MCF2L2: variants seen among roughly 807,000 people sequenced by gnomAD.
MCF2L2 encodes MCF.2 cell line derived transforming sequence-like 2, also known as probable guanine nucleotide exchange factor MCF2L2.
In MCF2L2, 102 loss-of-function variants were observed where a neutral mutation model predicts 150.2. The observed-to-expected ratio is 0.68, with a 90% confidence interval of 0.58 to 0.80. MCF2L2 has a LOEUF of 0.80. MCF2L2 is among the 30% of genes least tolerant of loss of function. The pLI is 0.00. For synonymous variants in MCF2L2, 465 were observed against 491.3 expected, an observed-to-expected ratio of 0.95 and a Z score of 0.71; for missense variants, 1,256 against 1,372.8, an observed-to-expected ratio of 0.91 and a Z score of 1.34.
chr3:183,216,580 ATTTTTTTTTTTTTTTTTTTTTTT>A (rs1160267005), intron 21 of MCF2L2, among the ~76,000 whole-genome samples: 2 of 3,854 alleles, frequency 5.2e-4, no homozygotes, highest in Non-Finnish European at 2.0e-3. Flanking sequence ...ATATATATAT[ATTTTTTTTTTTTTTTTTTTTTTT>A]TTTTTTTTTT....
chr3:183,303,506 C>T (rs1044884095), intron 10 of MCF2L2, among the ~76,000 whole-genome samples: 2 of 152,120 alleles, frequency 1.3e-5, no homozygotes, highest in Non-Finnish European at 2.9e-5. Context: ...ACTCCAGGTG[C>T]GTACATCTTG....
chr3:183,315,492 G>C (rs923198452), intron 7 of MCF2L2, among the ~76,000 whole-genome samples: 3 of 152,160 alleles, frequency 2.0e-5, no homozygotes, highest in Non-Finnish European at 4.4e-5. Flanking sequence ...TGTCTTACAG[G>C]TTGGATAGGG....
chr3:183,391,079 G>C (rs575160459), intron 1 of MCF2L2, among the ~76,000 whole-genome samples: 1 of 152,054 alleles, frequency 6.6e-6, no homozygotes, highest in Admixed American at 6.6e-5. Flanking sequence ...TTCTAGTGTT[G>C]ACCAATCAGA....
intron 15 of MCF2L2, chr3:183,271,026 G>A (rs1428958214): frequency 4.1e-6 from 5 of 1,211,610 alleles, no homozygotes; most frequent in Non-Finnish European, 5.7e-6. Context: ...TAAGTAAAAT[G>A]AGGACGAAAG....
chr3:183,410,040 T>C (rs979146480), intron 1 of MCF2L2, among the ~76,000 whole-genome samples: 5 of 152,184 alleles, frequency 3.3e-5, no homozygotes, highest in African/African-American at 7.2e-5. Flanking sequence ...GGAAGGGTTG[T>C]TGACCATGGA....
rs2108497472 is a variant in MCF2L2 at position 183,300,204 on chromosome 3, G to A, written c.1114-8C>T. The A allele has an allele frequency of 6.3e-7, 1 of 1,596,730 alleles. No individual in the cohort carries two copies. The highest frequency in any genetic ancestry group is 2.2e-5 in the East Asian group (1 of 44,670). On this transcript the variant is annotated splice_polypyrimidine_tract_variant and splice_region_variant and intron_variant, in intron 10 of 29. Coordinates refer to ENST00000328913, the MANE Select transcript of MCF2L2 (RefSeq NM_015078.4). ...GGCCTTTTCCAGGGGCTCCTGCAAA[G>A]TGAACACCCACAGCCAGGCGTCAGA...
Position 183,220,596 on chromosome 3 carries a change from C to A in MCF2L2, c.2302-672G>T, listed in dbSNP as rs936628511. On this transcript the variant is annotated intron_variant, in intron 20 of 29. Coordinates refer to ENST00000328913, the MANE Select transcript of MCF2L2 (RefSeq NM_015078.4). Reference sequence around the variant, plus strand: ...ATTGTAAATGTTAAGAGTTTTGAGGCATATTTCCAAGTTCTTCAGAGAAGG... The same window carrying A: ...ATTGTAAATGTTAAGAGTTTTGAGGAATATTTCCAAGTTCTTCAGAGAAGG... Among the ~76,000 whole-genome samples, 4 of 152,194 alleles carry A rather than the reference C, an allele frequency of 2.6e-5. No homozygotes were observed. In the East Asian group the frequency reaches 5.8e-4, roughly 22 times the overall value.
intron 15 of MCF2L2, among the ~76,000 whole-genome samples, chr3:183,276,344 T>C (rs1161778888): frequency 6.6e-6 from 1 of 152,198 alleles, no homozygotes; most frequent in Non-Finnish European, 1.5e-5. Flanking sequence ...CCAGCGTGGG[T>C]ATAAATAATG....
intron 3 of MCF2L2, chr3:183,375,840 C>T (rs569980620): frequency 1.9e-4 from 29 of 152,270 alleles, no homozygotes; most frequent in African/African-American, 6.7e-4. Context: ...ATGTAACGTA[C>T]AAAAAGATGC....
At chr3:183,293,586 T>C (rs1319543675) in intron 13 of MCF2L2, among the ~76,000 whole-genome samples, 2 of 152,360 alleles carry the variant, frequency 1.3e-5, no homozygotes, top group African/African-American at 4.8e-5. Flanking sequence ...CTCAATCTGA[T>C]AAAAGACATC....
intron 25 of MCF2L2, among the ~76,000 whole-genome samples, chr3:183,195,796 C>T (rs1337663269): frequency 6.6e-6 from 1 of 152,198 alleles, no homozygotes; most frequent in African/African-American, 2.4e-5. Context: ...TCCTTTCACC[C>T]TATACCTGAC....
chr3:183,317,213 A>C (rs1297894121), intron 7 of MCF2L2, among the ~76,000 whole-genome samples: 1 of 152,204 alleles, frequency 6.6e-6, no homozygotes, highest in Non-Finnish European at 1.5e-5. Context: ...CATCTAGCAA[A>C]GCATTTTTGC....
intron 3 of MCF2L2, among the ~76,000 whole-genome samples, chr3:183,358,439 C>T (rs191139820): frequency 2.9e-4 from 44 of 152,148 alleles, no homozygotes; most frequent in Admixed American, 2.2e-3. Flanking sequence ...ACAAAAAATA[C>T]AAAAACACTA....
chr3:183,183,145 G>A (rs1721587947), intron 27 of MCF2L2, among the ~76,000 whole-genome samples: 1 of 152,140 alleles, frequency 6.6e-6, no homozygotes, highest in Non-Finnish European at 1.5e-5. Flanking sequence ...ACAGGCACAT[G>A]CCACCACACC....
rs1458485209 is a variant in MCF2L2 at position 183,267,082 on chromosome 3, G to A, written c.1862+9790C>T. Among the ~76,000 whole-genome samples the A allele has an allele frequency of 6.6e-6, 1 of 152,132 alleles. No homozygotes were observed. Among genetic ancestry groups the A allele is most frequent in the Non-Finnish European group, 1.5e-5 (1 of 68,032 alleles). On this transcript the variant is annotated intron_variant, in intron 15 of 29. Coordinates refer to ENST00000328913, the MANE Select transcript of MCF2L2 (RefSeq NM_015078.4). The surrounding 1 kb of genome is among the most constrained non-coding windows in gnomAD (Gnocchi z 5.5). ...ATTACAGGCGTGAGCCACCATGGCC[G>A]GCCTTCAGCCTTTGTGATATTAAAG...
rs75257179 is a variant in MCF2L2 at position 183,258,734 on chromosome 3, CTT to C, written c.1862+18136_1862+18137del. Among the ~76,000 whole-genome samples the C allele has an allele frequency of 1.3e-5, 2 of 151,286 alleles. 1 individual carries two copies. On this transcript the variant is annotated intron_variant, in intron 15 of 29. Transcript: ENST00000328913. ...AACCTATGCAATATTCCCATGTACTCTTTTTTTTTATTTTTATGTGTTTAGAG... is the reference window on the plus strand; with the variant it reads ...AACCTATGCAATATTCCCATGTACTCTTTTTTTATTTTTATGTGTTTAGAG...
chr3:183,186,132 G>A (rs1721685186), intron 27 of MCF2L2, among the ~76,000 whole-genome samples: 1 of 152,168 alleles, frequency 6.6e-6, no homozygotes, highest in African/African-American at 2.4e-5. Context: ...GGAAGGGCAA[G>A]CCAATACGTC....
chr3:183,255,101 A>T (rs913671103), intron 15 of MCF2L2, among the ~76,000 whole-genome samples: 5 of 152,218 alleles, frequency 3.3e-5, no homozygotes, highest in African/African-American at 1.2e-4. Flanking sequence ...ATGAAAGTAC[A>T]TCCATCAGAA....
At chr3:183,217,275 C>T (rs1489408687) in intron 21 of MCF2L2, among the ~76,000 whole-genome samples, 24 of 82,800 alleles carry the variant, frequency 2.9e-4, no homozygotes, top group African/African-American at 1.1e-3. Context: ...GCCTGGGTAA[C>T]AAGAGTGAAA....
Sources: gnomAD v4.1 joint callset for allele counts (sites outside exome capture counted in the v4.1 genomes callset) on GRCh38, gnomAD v4.1.1 for gene constraint, Gnocchi (gnomAD v3.1) non-coding constraint, MANE v1.5 for transcripts, NCBI Gene and HGNC (gene_info 2026-07-23, HGNC 2026-07-21) for gene names.